The following ATXN1 variants were observed in gnomAD, a reference collection of about 807,000 sequenced individuals.
ATXN1 encodes the protein ataxin-1.
In ATXN1, 8 loss-of-function variants were observed where a neutral mutation model predicts 56.4. The ratio of observed to expected loss-of-function variants is 0.14; its 90% CI spans 0.08 to 0.26. The LOEUF is 0.26. Among genes scored for constraint, ATXN1 ranks in the 10% least tolerant of loss-of-function variants. ATXN1 has a pLI of 1.00. For synonymous variants in ATXN1, 514 were observed against 494.6 expected (o/e 1.04, Z -0.52); for missense variants, 987 against 1,106.5 (o/e 0.89, Z 1.53).
At chr6:16,726,234 G>T (rs1759846391) in intron 2 of ATXN1, among the ~76,000 whole-genome samples, 1 of 151,974 alleles carries the variant, frequency 6.6e-6, no homozygotes, top group Admixed American at 6.6e-5. Context: ...ACAAAAATTA[G>T]CTGGGCGTGG....
chr6:16,520,672 G>A (rs3765274), intron 5 of ATXN1, among the ~76,000 whole-genome samples: 44,073 of 152,060 alleles, frequency 0.29, 6,630 homozygotes, highest in Non-Finnish European at 0.33. Context: ...AGCAACAGGT[G>A]TCAGTGACCC....
intron 2 of ATXN1, among the ~76,000 whole-genome samples, chr6:16,747,063 T>G (rs1192353651): frequency 2.6e-5 from 4 of 152,038 alleles, no homozygotes; most frequent in Non-Finnish European, 4.4e-5. Context: ...CTCTGTAGGG[T>G]CCTGGAAGAC....
intron 2 of ATXN1, among the ~76,000 whole-genome samples, chr6:16,743,695 C>T (rs866418259): frequency 5.9e-5 from 9 of 152,156 alleles, no homozygotes; most frequent in African/African-American, 1.7e-4. Flanking sequence ...AACATAGTCC[C>T]TAGTCCAAGG....
chr6:16,700,095 G>A (rs957192230), intron 2 of ATXN1, among the ~76,000 whole-genome samples: 4 of 152,106 alleles, frequency 2.6e-5, no homozygotes, highest in African/African-American at 9.7e-5. Flanking sequence ...ACATTTTTAT[G>A]AAACACATGT....
chr6:16,394,400 A>G (rs897705227), intron 6 of ATXN1, among the ~76,000 whole-genome samples: 3 of 152,228 alleles, frequency 2.0e-5, no homozygotes, highest in African/African-American at 7.2e-5. Flanking sequence ...TCATTTTAAA[A>G]TTTAATTTCA....
intron 4 of ATXN1, among the ~76,000 whole-genome samples, chr6:16,566,536 G>A (rs1014984969): frequency 1.3e-5 from 2 of 151,860 alleles, no homozygotes; most frequent in African/African-American, 2.4e-5. Flanking sequence ...CACCATGCCT[G>A]GCCAATTAAA....
At chr6:16,619,242 T>TATAAAGG (rs1763275160) in intron 3 of ATXN1, among the ~76,000 whole-genome samples, 1 of 152,088 alleles carries the variant, frequency 6.6e-6, no homozygotes, top group South Asian at 2.1e-4. Context: ...TCAAAAGCCT[T>TATAAAGG]ATAAAGGGCC....
At chr6:16,717,414 C>T (rs1759661191) in intron 2 of ATXN1, among the ~76,000 whole-genome samples, 1 of 152,204 alleles carries the variant, frequency 6.6e-6, no homozygotes, top group Admixed American at 6.5e-5. Flanking sequence ...CAACTCATCC[C>T]ACTCCCTTGT....
intron 6 of ATXN1, among the ~76,000 whole-genome samples, chr6:16,361,688 G>T (rs1044947747): frequency 6.6e-6 from 1 of 152,092 alleles, no homozygotes; most frequent in Non-Finnish European, 1.5e-5. Flanking sequence ...AGATTACACT[G>T]TCCTCTCTCT....
intron 5 of ATXN1, among the ~76,000 whole-genome samples, chr6:16,519,995 A>G (rs1228639122): frequency 1.3e-5 from 2 of 152,242 alleles, no homozygotes; most frequent in Non-Finnish European, 2.9e-5. Context: ...CCTGCCCAGG[A>G]TACACTGGCT....
chr6:16,619,921 T>G (rs1763288070), intron 3 of ATXN1, among the ~76,000 whole-genome samples: 1 of 152,022 alleles, frequency 6.6e-6, no homozygotes, highest in Non-Finnish European at 1.5e-5. Context: ...GCTCTATCAC[T>G]TTAAGATCTG....
chr6:16,686,881 A>T (rs1758929897), intron 2 of ATXN1, among the ~76,000 whole-genome samples: 1 of 152,216 alleles, frequency 6.6e-6, no homozygotes, highest in Non-Finnish European at 1.5e-5. Flanking sequence ...GCATATTTAC[A>T]AAATTATTTA....
At chr6:16,570,375 A>G (rs1244659339) in intron 4 of ATXN1, among the ~76,000 whole-genome samples, 1 of 152,210 alleles carries the variant, frequency 6.6e-6, no homozygotes, top group Non-Finnish European at 1.5e-5. Flanking sequence ...TTGTGAGTCA[A>G]CAGGGCTCTG....
chr6:16,697,488 C>T (rs1480725951), intron 2 of ATXN1, among the ~76,000 whole-genome samples: 2 of 151,914 alleles, frequency 1.3e-5, no homozygotes, highest in Non-Finnish European at 2.9e-5. Context: ...TTCTTCTTTC[C>T]ACTTAAATCC....
rs1237586262 is a variant in ATXN1 at position 16,327,351 on chromosome 6, G to A, written c.960C>T (p.Ala320=). ...CCATCTCACCGTTCAGGACCTCCTT[G>A]GCCTGGATGGCCTGCTGCAGCCGGC... The part of the protein sequence containing the change: ...ESSRLQQAIQ[A]KEVLNGEMEK... The change falls in exon 7 of 8, where the codon GCC becomes GCT. Residue 320 remains alanine (A), a synonymous_variant. Transcript: ENST00000436367. 2.5e-6 allele frequency: 4 copies of A among 1,613,298 alleles called. No homozygotes were observed. In the East Asian group the frequency reaches 8.9e-5, roughly 36 times the overall value.
Position 16,366,243 on chromosome 6 carries a change from C to A in ATXN1, c.-160-37773G>T, listed in dbSNP as rs756830591. 3.3e-5 allele frequency among the ~76,000 whole-genome samples: 5 copies of A among 152,136 alleles called. No homozygotes were observed. The South Asian group carries it at 1.0e-3, about 31-fold the overall frequency. ...TCTAATACTATCTCCACCTTCCTGA[C>A]CACTTGTCCTCTTGGAGGTCAGCTA... On this transcript the variant is annotated intron_variant, in intron 6 of 7. Coordinates refer to ENST00000436367, the MANE Select transcript of ATXN1 (RefSeq NM_001128164.2).
intron 7 of ATXN1, among the ~76,000 whole-genome samples, chr6:16,322,399 G>T (rs144031607): frequency 1.1e-3 from 173 of 151,170 alleles, no homozygotes; most frequent in African/African-American, 4.0e-3. Flanking sequence ...TTCCCTGGGG[G>T]TGTGATGTTG....
At chr6:16,414,845 A>G (rs758573578) in intron 6 of ATXN1, among the ~76,000 whole-genome samples, 6 of 152,204 alleles carry the variant, frequency 3.9e-5, no homozygotes, top group Non-Finnish European at 8.8e-5. Flanking sequence ...TTTCCAATGT[A>G]GTCAATTTTT....
At chr6:16,397,802 A>G (rs1384678463) in intron 6 of ATXN1, among the ~76,000 whole-genome samples, 2 of 152,228 alleles carry the variant, frequency 1.3e-5, no homozygotes, top group African/African-American at 2.4e-5. Context: ...TGTGTTGGCA[A>G]GAACTCACAC....
Sources: gnomAD v4.1 joint callset for allele counts (sites outside exome capture counted in the v4.1 genomes callset) on GRCh38, gnomAD v4.1.1 for gene constraint, MANE v1.5 for transcripts, NCBI Gene and HGNC (gene_info 2026-07-23, HGNC 2026-07-21) for gene names.